DISC1: variants seen among roughly 807,000 people sequenced by gnomAD.
The protein encoded by DISC1 is disrupted in schizophrenia 1 protein.
In DISC1, 57 loss-of-function variants were observed where a neutral mutation model predicts 84.5. The ratio of observed to expected loss-of-function variants is 0.67; its 90% CI spans 0.55 to 0.84. DISC1 has a LOEUF of 0.84. Ranked by LOEUF, DISC1 falls within the 40% of genes least tolerant of loss-of-function variation. The pLI is 0.00. For synonymous variants in DISC1, 411 were observed against 415.2 expected, an observed-to-expected ratio of 0.99 and a Z score of 0.12; for missense variants, 1,000 against 1,057.8, an observed-to-expected ratio of 0.95 and a Z score of 0.76.
chr1:231,795,390 C>CA (rs1335633645), intron 7 of DISC1, 94 bp downstream of exon 7: 7 of 1,122,450 alleles, frequency 6.2e-6, no homozygotes, highest in African/African-American at 1.6e-5. Flanking sequence ...CTGGCTTCTG[C>CA]AAAAAAAGAT....
chr1:231,766,711 T>A (rs1395250818), intron 4 of DISC1, among the ~76,000 whole-genome samples: 1 of 152,394 alleles, frequency 6.6e-6, no homozygotes, highest in East Asian at 1.9e-4. Context: ...AAATTAATTT[T>A]AACAATACAT....
At chr1:231,907,130 C>CTTT (rs1491497871) in intron 9 of DISC1, among the ~76,000 whole-genome samples, 175 of 55,614 alleles carry the variant, frequency 3.1e-3, no homozygotes, top group African/African-American at 0.012. Flanking sequence ...TTCCTTCCTT[C>CTTT]CTCTTTCTTT....
intron 9 of DISC1, among the ~76,000 whole-genome samples, chr1:231,905,630 A>G (rs1371055229): frequency 6.6e-6 from 1 of 152,036 alleles, no homozygotes; most frequent in Non-Finnish European, 1.5e-5. Context: ...TTAATTTAAA[A>G]AATAATAAAG....
At chr1:231,779,033 A>T (rs576034875) in intron 6 of DISC1, among the ~76,000 whole-genome samples, 16 of 151,346 alleles carry the variant, frequency 1.1e-4, no homozygotes, top group Non-Finnish European at 1.9e-4. Context: ...GGTGGCAATA[A>T]GATACCAAAT....
rs1667777318 is a variant in DISC1 at position 232,008,846 on chromosome 1, ATCCAGAGCCTACAGC to A, written c.2110_2124del (p.Ser704_Gln708del). ...TGACTTGGAAGCTTGTCGATTGCTTATCCAGAGCCTACAGCTCCAGGAAGCCAGGGGAAGCCTGTC... is the reference window on the plus strand; with the variant it reads ...TGACTTGGAAGCTTGTCGATTGCTTATCCAGGAAGCCAGGGGAAGCCTGTC... On this transcript the variant is annotated inframe_deletion, in exon 11 of 13. Coordinates refer to ENST00000439617, the MANE Select transcript of DISC1 (RefSeq NM_018662.3). 2.5e-6 allele frequency: 4 copies of A among 1,612,256 alleles called. No homozygotes were observed. The highest frequency in any genetic ancestry group is 2.7e-5 in the African/African-American group (2 of 74,914).
intron 2 of DISC1, among the ~76,000 whole-genome samples, chr1:231,701,156 C>T (rs367757898): frequency 7.2e-5 from 11 of 152,168 alleles, no homozygotes; most frequent in African/African-American, 1.9e-4. Flanking sequence ...GCACATCTTA[C>T]ACAGTGGCAG....
chr1:231,795,117 C>A, intron 6 of DISC1, 125 bp from the exon 7 acceptor site: 2 of 913,746 alleles, frequency 2.2e-6, no homozygotes, highest in Non-Finnish European at 1.8e-6. Context: ...TTGGCATCAT[C>A]TTTCCTCCTG....
intron 9 of DISC1, among the ~76,000 whole-genome samples, chr1:231,859,103 G>T (rs7551234): frequency 0.021 from 3,200 of 152,242 alleles, 114 homozygotes; most frequent in African/African-American, 0.072. Flanking sequence ...CTGGTTCTGA[G>T]AATTCAGCTT....
chr1:231,676,828 C>A (rs1196482440), intron 1 of DISC1, among the ~76,000 whole-genome samples: 9 of 152,134 alleles, frequency 5.9e-5, no homozygotes, highest in African/African-American at 2.2e-4. Context: ...GAAAAACAGA[C>A]TTTTATAGTT....
chr1:231,863,596 TAATAA>T (rs2084839268), intron 9 of DISC1, among the ~76,000 whole-genome samples: 1 of 152,224 alleles, frequency 6.6e-6, no homozygotes, highest in Non-Finnish European at 1.5e-5. Context: ...CCATTGCTTT[TAATAA>T]CACAATATGG....
At chr1:231,682,908 C>T (rs1303451597) in intron 1 of DISC1, among the ~76,000 whole-genome samples, 2 of 152,180 alleles carry the variant, frequency 1.3e-5, no homozygotes, top group East Asian at 1.9e-4. Flanking sequence ...GGTTTTTGAC[C>T]CTTAAACACG....
At chr1:232,016,630 A>G (rs767597918) in intron 11 of DISC1, among the ~76,000 whole-genome samples, 4 of 152,260 alleles carry the variant, frequency 2.6e-5, no homozygotes, top group Non-Finnish European at 4.4e-5. Context: ...ACTAGAAACC[A>G]CAGGCCAATT....
In DISC1 at chr1:231,954,630, C is replaced by T. The variant is rs541125868; in HGVS notation, c.1982-4198C>T. Among the ~76,000 whole-genome samples the T allele has an allele frequency of 1.3e-5, 2 of 152,274 alleles. No individual in the cohort carries two copies. The highest frequency in any genetic ancestry group is 4.8e-5 in the African/African-American group (2 of 41,556). ...GCCCTCTTTGCTTCTTGGAACCTTG[C>T]CTTACTACCATTGCCATTCTCATAG... On this transcript the variant is annotated intron_variant, in intron 9 of 12. Transcript: ENST00000439617. This position sits in a 1 kb window ranked among gnomAD's most constrained non-coding sequence, Gnocchi z 4.8.
At chr1:231,914,460 A>G (rs1238757320) in intron 9 of DISC1, among the ~76,000 whole-genome samples, 1 of 152,244 alleles carries the variant, frequency 6.6e-6, no homozygotes, top group Non-Finnish European at 1.5e-5. Context: ...TCCTTGTCAC[A>G]GCTCTGCTCG....
intron 1 of DISC1, among the ~76,000 whole-genome samples, chr1:231,666,415 C>G (rs945635691): frequency 6.6e-6 from 1 of 151,448 alleles, no homozygotes; most frequent in African/African-American, 2.4e-5. Flanking sequence ...AGAAATATGG[C>G]AAATTCTAGA....
intron 1 of DISC1, among the ~76,000 whole-genome samples, chr1:231,647,305 A>G (rs1297710237): frequency 6.6e-6 from 1 of 152,184 alleles, no homozygotes. Flanking sequence ...TCTCAGCACC[A>G]TTTATTAAAT....
intron 3 of DISC1, among the ~76,000 whole-genome samples, chr1:231,705,331 A>AT (rs1412065520): frequency 3.9e-4 from 59 of 150,446 alleles, no homozygotes; most frequent in African/African-American, 1.3e-3. Flanking sequence ...TAAAAAAAAA[A>AT]AAATAAAGGC....
intron 11 of DISC1, 115 bp from the exon 12 acceptor site, chr1:232,026,320 G>A: frequency 1.5e-6 from 1 of 682,972 alleles, no homozygotes; most frequent in Non-Finnish European, 2.6e-6. Flanking sequence ...ACAGGCCCTA[G>A]CACAATTCTG....
At chr1:231,841,269 T>C (rs2083038443) in intron 9 of DISC1, among the ~76,000 whole-genome samples, 1 of 152,244 alleles carries the variant, frequency 6.6e-6, no homozygotes, top group South Asian at 2.1e-4. Context: ...TAGTGCATTA[T>C]TATCTACTAC....
Sources: gnomAD v4.1 joint callset for allele counts (sites outside exome capture counted in the v4.1 genomes callset) on GRCh38, gnomAD v4.1.1 for gene constraint, Gnocchi (gnomAD v3.1) non-coding constraint, MANE v1.5 for transcripts, NCBI Gene and HGNC (gene_info 2026-07-23, HGNC 2026-07-21) for gene names.